Variants in TIAM1 observed in about 807,000 individuals in gnomAD.
The protein encoded by TIAM1 is rho guanine nucleotide exchange factor TIAM1.
A neutral mutation model predicts 163.5 loss-of-function variants in TIAM1; 65 were observed. The observed-to-expected ratio is 0.40, with a 90% CI of 0.33 to 0.49. The LOEUF is 0.49. Among genes scored for constraint, TIAM1 ranks in the 20% least tolerant of loss-of-function variants. The pLI is 0.77. For missense variants in TIAM1, 1,789 were observed against 2,044.7 expected (o/e 0.87, Z 2.41); for synonymous variants, 833 against 810.1 (o/e 1.03, Z -0.48).
rs894326749 is a variant in TIAM1, at chr21:31,266,923, T to G, written c.50A>C (p.Lys17Thr). 1 of 1,611,094 alleles carries G rather than the reference T, an allele frequency of 6.2e-7. No homozygotes were observed. The highest frequency in any genetic ancestry group is 8.5e-7 in the Non-Finnish European group (1 of 1,177,866). Residue 17 changes from lysine to threonine, a missense_variant, in exon 4 of 28, where the codon AAG becomes ACG. Physicochemically the swap from Lys to Thr is moderately conservative, Grantham distance 78. Coordinates refer to ENST00000541036, the MANE Select transcript of TIAM1 (RefSeq NM_001353694.2). ...GTGCTTGCGCCCCAGGCTGGCATGC[T>G]TTTCTCCATAAAACTCGTGCTCTAC... is the stretch of plus-strand genomic sequence containing the variant. Reference protein sequence around the residue: ...QHVEHEFYGEKHASLGRKHTS... With the variant: ...QHVEHEFYGETHASLGRKHTS...
chr21:31,152,398 G>A (rs1182064597), intron 19 of TIAM1, among the ~76,000 whole-genome samples: 2 of 152,166 alleles, frequency 1.3e-5, no homozygotes, highest in African/African-American at 4.8e-5. Context: ...CCAAACAAAA[G>A]GTCAAGGTTG....
At chr21:31,462,922 G>GCCCA (rs2045388597) in intron 2 of TIAM1, among the ~76,000 whole-genome samples, 1 of 151,872 alleles carries the variant, frequency 6.6e-6, no homozygotes, top group African/African-American at 2.4e-5. Context: ...TTTGTATTTG[G>GCCCA]AGTAGAGATA....
chr21:31,286,785 T>C (rs1236849665), intron 2 of TIAM1, among the ~76,000 whole-genome samples: 1 of 152,092 alleles, frequency 6.6e-6, no homozygotes, highest in African/African-American at 2.4e-5. Context: ...ATACAGATGA[T>C]TCTTTTGAAA....
intron 1 of TIAM1, among the ~76,000 whole-genome samples, chr21:31,519,656 G>A (rs140468319): frequency 6.6e-6 from 1 of 152,230 alleles, no homozygotes; most frequent in African/African-American, 2.4e-5. Context: ...TAACCCAAGC[G>A]TGCTTTGACG....
intron 2 of TIAM1, among the ~76,000 whole-genome samples, chr21:31,320,515 A>C (rs1368369145): frequency 6.6e-6 from 1 of 152,204 alleles, no homozygotes; most frequent in Non-Finnish European, 1.5e-5. Context: ...CAACATTACA[A>C]AAAATAATGG....
At chr21:31,472,542 A>G (rs2045782262) in intron 1 of TIAM1, among the ~76,000 whole-genome samples, 1 of 152,148 alleles carries the variant, frequency 6.6e-6, no homozygotes, top group East Asian at 1.9e-4. Context: ...ATAAATAAAT[A>G]AAAATAGTGT....
intron 2 of TIAM1, among the ~76,000 whole-genome samples, chr21:31,387,719 G>A (rs1185835279): frequency 1.3e-5 from 2 of 152,168 alleles, no homozygotes; most frequent in East Asian, 3.9e-4. Flanking sequence ...GGCTCTGTAA[G>A]TTGGTGCCAG....
Position 31,141,529 on chromosome 21 carries a change from TG to T in TIAM1, c.3476-26del. On this transcript the variant is annotated intron_variant, in intron 20 of 27. Coordinates refer to ENST00000541036, the MANE Select transcript of TIAM1 (RefSeq NM_001353694.2). The surrounding 1 kb of genome is among the most constrained non-coding windows in gnomAD (Gnocchi z 4.7). ...GCTGGCAGGGTTTAAACACAGGTCA[TG>T]GGGGTGGAACGCCCACGTGACTCCC... 6.2e-7 allele frequency: 1 copy of T among 1,609,618 alleles called. No individual in the cohort carries two copies. Among genetic ancestry groups the T allele is most frequent in the Non-Finnish European group, 8.5e-7 (1 of 1,177,896 alleles).
At chr21:31,257,248 T>C (rs1310305700) in intron 4 of TIAM1, among the ~76,000 whole-genome samples, 1 of 152,190 alleles carries the variant, frequency 6.6e-6, no homozygotes, top group African/African-American at 2.4e-5. Context: ...TCTCTATGCC[T>C]TTCTTTTTAT....
At chr21:31,377,918 C>T (rs2076714983) in intron 2 of TIAM1, among the ~76,000 whole-genome samples, 1 of 151,752 alleles carries the variant, frequency 6.6e-6, no homozygotes, top group Non-Finnish European at 1.5e-5. Flanking sequence ...GGGCAGATCA[C>T]TTGAAGATGG....
intron 2 of TIAM1, among the ~76,000 whole-genome samples, chr21:31,288,791 T>G (rs2073909827): frequency 6.6e-6 from 1 of 152,204 alleles, no homozygotes; most frequent in South Asian, 2.1e-4. Flanking sequence ...TCAACCACAC[T>G]TTGTATGGAC....
intron 1 of TIAM1, among the ~76,000 whole-genome samples, chr21:31,480,108 A>T (rs2046064688): frequency 6.6e-6 from 1 of 152,176 alleles, no homozygotes; most frequent in Non-Finnish European, 1.5e-5. Flanking sequence ...CAATCAATCG[A>T]TTTTAAATTA....
At chr21:31,490,511 G>C (rs1330353253) in intron 1 of TIAM1, among the ~76,000 whole-genome samples, 3 of 152,146 alleles carry the variant, frequency 2.0e-5, no homozygotes, top group African/African-American at 7.2e-5. Context: ...CCTGTCAACA[G>C]AACACTGATC....
chr21:31,523,515 T>A (rs2047675594), intron 1 of TIAM1, among the ~76,000 whole-genome samples: 1 of 152,182 alleles, frequency 6.6e-6, no homozygotes. Flanking sequence ...CTCCCAGACA[T>A]CAGGGATACA....
chr21:31,363,261 A>G (rs1416613318), intron 2 of TIAM1, among the ~76,000 whole-genome samples: 1 of 152,168 alleles, frequency 6.6e-6, no homozygotes, highest in African/African-American at 2.4e-5. Context: ...GACAGAGAGC[A>G]TTTGATCGTG....
At chr21:31,457,726 G>A (rs1209469001) in intron 2 of TIAM1, among the ~76,000 whole-genome samples, 3 of 152,162 alleles carry the variant, frequency 2.0e-5, no homozygotes, top group African/African-American at 7.2e-5. Flanking sequence ...GTTAATAATG[G>A]TGGAACCTTG....
intron 15 of TIAM1, among the ~76,000 whole-genome samples, chr21:31,173,959 T>C (rs925078950): frequency 3.3e-5 from 5 of 152,192 alleles, no homozygotes; most frequent in African/African-American, 4.8e-5. Flanking sequence ...AGGCAGGCCA[T>C]GTGCTGTGTG....
intron 2 of TIAM1, among the ~76,000 whole-genome samples, chr21:31,334,109 G>A (rs1185195784): frequency 6.6e-6 from 1 of 152,154 alleles, no homozygotes; most frequent in Non-Finnish European, 1.5e-5. Context: ...TCAACCCCAC[G>A]CTTGGTTTGC....
At chr21:31,206,824 G>GCTCTT (rs3831794) in intron 11 of TIAM1, among the ~76,000 whole-genome samples, 33,809 of 151,770 alleles carry the variant, frequency 0.22, 6,069 homozygotes, top group African/African-American at 0.47. Context: ...ATTATGTTTT[G>GCTCTT]CTATTTTTCT....
Sources: allele counts gnomAD v4.1 joint callset (sites outside exome capture counted in the v4.1 genomes callset), GRCh38; gene constraint gnomAD v4.1.1; non-coding constraint Gnocchi (gnomAD v3.1); transcripts MANE v1.5; gene names NCBI Gene and HGNC (gene_info 2026-07-23, HGNC 2026-07-21).